GINS4: variants seen among roughly 807,000 people sequenced by gnomAD.
GINS4 encodes the protein GINS complex subunit 4, also known as DNA replication complex GINS protein SLD5.
A neutral mutation model predicts 31.1 loss-of-function variants in GINS4; 20 were observed. The observed-to-expected ratio is 0.64, with a 90% CI of 0.45 to 0.93. The LOEUF is 0.93. GINS4 is among the 40% of genes least tolerant of loss of function. The probability of loss-of-function intolerance (pLI) is 0.00; values close to 1 mark genes in which losing one functional copy is unlikely to be tolerated. For synonymous variants in GINS4, 85 were observed against 97.9 expected (o/e 0.87, Z 0.78); for missense variants, 245 against 273.9 (o/e 0.89, Z 0.75).
rs1806895038 is a variant in GINS4, at chr8:41,544,221, C to G, written c.*2134C>G. 1 of 152,148 alleles carries G rather than the reference C, an allele frequency of 6.6e-6. No individual in the cohort carries two copies. Among genetic ancestry groups the G allele is most frequent in the Non-Finnish European group, 1.5e-5 (1 of 68,028 alleles). The allele number at this position is 152,148 out of a possible 1,614,324, so 9.4% of individuals were successfully genotyped here. The stretch of plus-strand genomic sequence containing the variant: ...CTTGAGGTCAGCCTGGTTAGAAAGC[C>G]CAACTCAAAATAGAAAGTATTACAT... On this transcript the variant is annotated 3_prime_UTR_variant, in exon 8 of 8. Transcript: ENST00000276533.
intron 2 of GINS4, among the ~76,000 whole-genome samples, chr8:41,533,797 G>T (rs1257401149): frequency 1.3e-5 from 2 of 152,186 alleles, no homozygotes; most frequent in Non-Finnish European, 2.9e-5. Context: ...TAATTCTAGA[G>T]GCTGAGGTCA....
chr8:41,532,280 G>T (rs1806659712), intron 2 of GINS4, among the ~76,000 whole-genome samples: 1 of 151,034 alleles, frequency 6.6e-6, no homozygotes, highest in African/African-American at 2.4e-5. Flanking sequence ...TGACCAATAA[G>T]CATATGAAAA....
intron 6 of GINS4, chr8:41,540,295 T>C: frequency 4.4e-6 from 2 of 453,918 alleles, no homozygotes; most frequent in Non-Finnish European, 8.1e-6. Flanking sequence ...CTGCTGAGCC[T>C]CTGTGAGGTG....
At chr8:41,541,469 G>A (rs1379755325) in intron 6 of GINS4, among the ~76,000 whole-genome samples, 2 of 152,084 alleles carry the variant, frequency 1.3e-5, no homozygotes, top group African/African-American at 2.4e-5. Flanking sequence ...CCCTGTTTCC[G>A]AATACAATCC....
rs117165584 is a variant in GINS4, at chr8:41,541,794, T to G, written c.485-15T>G. ...GGCCGAGGATTTCCTAATCACATTG[T>G]TGTTTTCCTGGCAGTTCCCAAACCA... is the stretch of plus-strand genomic sequence containing the variant. On this transcript the variant is annotated splice_polypyrimidine_tract_variant and intron_variant, in intron 6 of 7. Transcript: ENST00000276533. The G allele has an allele frequency of 6.2e-7, 1 of 1,606,790 alleles. No homozygotes were observed. The highest frequency in any genetic ancestry group is 8.5e-7 in the Non-Finnish European group (1 of 1,173,574).
rs1348618737 is a variant in GINS4, at chr8:41,544,836, G to A, written c.*2749G>A. 2 of 152,098 alleles carry A rather than the reference G, an allele frequency of 1.3e-5. No homozygotes were observed. Among genetic ancestry groups the A allele is most frequent in the Non-Finnish European group, 2.9e-5 (2 of 68,040 alleles). The allele number at this position is 152,098 out of a possible 1,614,324, so 9.4% of individuals were successfully genotyped here. A position where few individuals can be genotyped will look rare whatever the true frequency, so the allele number is the denominator to read the frequency against. On this transcript the variant is annotated 3_prime_UTR_variant, in exon 8 of 8. Transcript: ENST00000276533. ...GGAGCTCCCATGTTGTGCAGTTGCT[G>A]CTGGCCCGGGGACCACATTGAATGA... is the stretch of plus-strand genomic sequence containing the variant.
At chr8:41,535,263 G>C (rs1236850401) in intron 2 of GINS4, among the ~76,000 whole-genome samples, 1 of 152,116 alleles carries the variant, frequency 6.6e-6, no homozygotes, top group Admixed American at 6.6e-5. Flanking sequence ...ACTTGAACCC[G>C]AGAGGCAGAG....
At chr8:41,540,224 C>G (rs1332656310) in intron 6 of GINS4, among the ~76,000 whole-genome samples, 1 of 152,226 alleles carries the variant, frequency 6.6e-6, no homozygotes, top group Non-Finnish European at 1.5e-5. Flanking sequence ...GGGCTGAGCC[C>G]CATGACTGCA....
Position 41,539,964 on chromosome 8 carries a change from C to T in GINS4, c.444C>T (p.His148=), listed in dbSNP as rs1806809226. The T allele has an allele frequency of 6.2e-7, 1 of 1,614,184 alleles. No individual in the cohort carries two copies. Among genetic ancestry groups the T allele is most frequent in the East Asian group, 2.2e-5 (1 of 44,876 alleles). The change falls in exon 6 of 8, where the codon CAC becomes CAT. Residue 148 remains histidine, a synonymous_variant. Transcript: ENST00000276533. ...ESYLKNVALK[H]MPPNLQKVDL... ...ATCTGAAAAATGTCGCCTTGAAGCA[C>T]ATGCCCCCTAACTTACAGAAGGTGG...
At chr8:41,536,554 C>A in intron 3 of GINS4, 108 bp downstream of exon 3, 1 of 662,326 alleles carries the variant, frequency 1.5e-6, no homozygotes, top group Non-Finnish European at 2.7e-6. Context: ...TTTGGCTCCA[C>A]TCACAGTCCA....
At chr8:41,537,415 C>A in intron 4 of GINS4, 122 bp downstream of exon 4, 1 of 647,426 alleles carries the variant, frequency 1.5e-6, no homozygotes, top group Non-Finnish European at 2.8e-6. Context: ...CTGCTAAGAG[C>A]CCAATATCCA....
Position 41,539,764 on chromosome 8 carries a change from C to G in GINS4, c.384C>G (p.Ala128=), listed in dbSNP as rs941369356. Residue 128 remains alanine (A), a synonymous_variant, in exon 5 of 8, where the codon GCC becomes GCG. Transcript: ENST00000276533. ...EPSSLSPEEL[A]FAREFMANTE... ...CCAGCCTCTCGCCGGAAGAGTTGGCCTTTGCCAGAGAGTGAGTGAGTGAGC... is the reference window on the plus strand; with the variant it reads ...CCAGCCTCTCGCCGGAAGAGTTGGCGTTTGCCAGAGAGTGAGTGAGTGAGC... The G allele has an allele frequency of 1.2e-6, 2 of 1,613,902 alleles. No homozygotes were observed. The highest frequency in any genetic ancestry group is 1.3e-5 in the African/African-American group (1 of 74,936).
chr8:41,530,024 C>G, intron 1 of GINS4, 160 bp from the exon 2 acceptor site: 1 of 563,632 alleles, frequency 1.8e-6, no homozygotes. Flanking sequence ...AAGAGGCAGA[C>G]ACTGGAAAAC....
At chr8:41,531,195 C>T (rs1376811785) in intron 2 of GINS4, among the ~76,000 whole-genome samples, 1 of 152,226 alleles carries the variant, frequency 6.6e-6, no homozygotes, top group Non-Finnish European at 1.5e-5. Context: ...TCACCTGAAC[C>T]TGGGAGGCAG....
chr8:41,534,062 C>A, intron 2 of GINS4: 1 of 162,950 alleles, frequency 6.1e-6, no homozygotes, highest in Non-Finnish European at 1.4e-5. Flanking sequence ...TTTTGAGGGG[C>A]GGACACACTT....
intron 2 of GINS4, chr8:41,534,480 T>C (rs937016978): frequency 1.1e-5 from 2 of 179,948 alleles, no homozygotes; most frequent in African/African-American, 4.7e-5. Context: ...GAAAGATTTA[T>C]ATGAAAGTTT....
chr8:41,537,506 C>A, intron 4 of GINS4: 1 of 500,136 alleles, frequency 2.0e-6, no homozygotes, highest in Non-Finnish European at 3.6e-6. Context: ...GGGGACACCG[C>A]ACACATTTTT....
intron 2 of GINS4, among the ~76,000 whole-genome samples, chr8:41,535,267 G>A (rs1198467409): frequency 1.3e-5 from 2 of 152,126 alleles, no homozygotes; most frequent in Non-Finnish European, 2.9e-5. Flanking sequence ...GAACCCGAGA[G>A]GCAGAGGCTG....
In GINS4 at chr8:41,543,029, G is replaced by C. The variant is rs952748324; in HGVS notation, c.*942G>C. 3 of 152,210 alleles carry C rather than the reference G, an allele frequency of 2.0e-5. No individual in the cohort carries two copies. The highest frequency in any genetic ancestry group is 7.2e-5 in the African/African-American group (3 of 41,460). The allele number at this position is 152,210 out of a possible 1,614,324, so 9.4% of individuals were successfully genotyped here. ...TGTGATCGGGGCTGCATTTAGCCCT[G>C]ACCTGATAATGGTAGGAGAGTTCAT... On this transcript the variant is annotated 3_prime_UTR_variant, in exon 8 of 8. Transcript: ENST00000276533.
Sources: gnomAD v4.1 joint callset for allele counts (sites outside exome capture counted in the v4.1 genomes callset) on GRCh38, gnomAD v4.1.1 for gene constraint, MANE v1.5 for transcripts, NCBI Gene and HGNC (gene_info 2026-07-23, HGNC 2026-07-21) for gene names.